Variants in RFT1 observed in about 807,000 individuals in gnomAD.
The protein encoded by RFT1 is RFT1 glycolipid translocator homolog.
A neutral mutation model predicts 62.2 loss-of-function variants in RFT1; 43 were observed. The ratio of observed to expected loss-of-function variants is 0.69; its 90% CI spans 0.54 to 0.89. The LOEUF is 0.89. Ranked by LOEUF, RFT1 falls within the 40% of genes least tolerant of loss-of-function variation. The pLI, the probability that RFT1 is intolerant of heterozygous loss-of-function variation, is 0.00. For missense variants in RFT1, 605 were observed against 649.9 expected, an observed-to-expected ratio of 0.93 and a Z score of 0.75; for synonymous variants, 262 against 264.6, an observed-to-expected ratio of 0.99 and a Z score of 0.10.
the RFT1 span, among the ~76,000 whole-genome samples, chr3:53,074,376 C>T: frequency 6.6e-6 from 1 of 152,208 alleles, no homozygotes; most frequent in African/African-American, 2.4e-5. Flanking sequence ...TCCAGGAGCC[C>T]TCCTGTGGCC....
At chr3:53,096,965 G>A (rs1001897400) in intron 11 of RFT1, among the ~76,000 whole-genome samples, 2 of 151,986 alleles carry the variant, frequency 1.3e-5, no homozygotes, top group African/African-American at 2.4e-5. Flanking sequence ...GGCTGGTCTC[G>A]AACTCCTGAC....
rs1575487868 is a variant in RFT1, at chr3:53,103,972, G to A, written c.1083C>T (p.Thr361=). 1.2e-6 allele frequency: 2 copies of A among 1,614,200 alleles called. No homozygotes were observed. The highest frequency in any genetic ancestry group is 1.7e-6 in the Non-Finnish European group (2 of 1,180,038). Residue 361 remains threonine (T), a synonymous_variant, in exon 10 of 13, where the codon ACC becomes ACT. Coordinates refer to ENST00000296292, the MANE Select transcript of RFT1 (RefSeq NM_052859.4). ...SQLALDIYGG[T]MLSSGSGPVL... ...GCGTACCGGATCCTGAGCTAAGCAT[G>A]GTCCCTCCGTAGATATCCAGAGCCA...
In RFT1 at chr3:53,092,463, C is replaced by G. The variant is rs761993663; in HGVS notation, c.1364G>C (p.Arg455Pro). The G allele has an allele frequency of 2.5e-6, 4 of 1,611,764 alleles. No homozygotes were observed. In the African/African-American group the frequency reaches 4.0e-5, roughly 16 times the overall value. ...AGCCAGGGGCCTGTGGGGGCTCCTT[C>G]GGTAGTAGCGGTGGATGAAGCAAAG... ...QSLCFIHRYYRRSPHRPLAGL... is the reference protein window; with the variant it reads ...QSLCFIHRYYPRSPHRPLAGL... The change falls in exon 12 of 13, where the codon CGA becomes CCA. Residue 455 changes from arginine to proline, a missense_variant. Arg to Pro is a moderately radical substitution (Grantham distance 103). Coordinates refer to ENST00000296292, the MANE Select transcript of RFT1 (RefSeq NM_052859.4).
the RFT1 span, among the ~76,000 whole-genome samples, chr3:53,068,453 C>T: frequency 6.6e-6 from 1 of 152,236 alleles, no homozygotes; most frequent in Non-Finnish European, 1.5e-5. Context: ...CATCAGATGA[C>T]CTGTCCATGG....
the RFT1 span, among the ~76,000 whole-genome samples, chr3:53,080,869 C>A: frequency 1.3e-5 from 2 of 152,204 alleles, no homozygotes; most frequent in African/African-American, 4.8e-5. Context: ...GGAAGCAAAG[C>A]CACAGCTGCC....
chr3:53,099,596 G>A, intron 10 of RFT1, 110 bp from the exon 11 acceptor site: 1 of 807,084 alleles, frequency 1.2e-6, no homozygotes, highest in Non-Finnish European at 2.1e-6. Flanking sequence ...AGGTCTGCTG[G>A]TATCAGCAAT....
At chr3:53,076,441 T>TA in the RFT1 span, among the ~76,000 whole-genome samples, 2 of 151,830 alleles carry the variant, frequency 1.3e-5, no homozygotes, top group Non-Finnish European at 2.9e-5. Flanking sequence ...AAAAAGCAAA[T>TA]AAAAAAGACA....
At chr3:53,106,996 G>A (rs890840973) in intron 7 of RFT1, 127 bp from the exon 8 acceptor site, 73 of 722,166 alleles carry the variant, frequency 1.0e-4, no homozygotes, top group Middle Eastern at 2.4e-4. Context: ...ATCAGTTAAA[G>A]ACATGTCCTT....
In RFT1 at chr3:53,091,698, A is replaced by G; in HGVS notation, c.*205T>C. The G allele has an allele frequency of 3.2e-6, 2 of 622,386 alleles. No individual in the cohort carries two copies. The highest frequency in any genetic ancestry group is 5.8e-6 in the Non-Finnish European group (2 of 347,634). 38.6% of individuals were successfully genotyped at this position (622,386 alleles called of 1,614,324 possible). On this transcript the variant is annotated 3_prime_UTR_variant, in exon 13 of 13. Transcript: ENST00000296292. The stretch of plus-strand genomic sequence containing the variant: ...TATTTTTAAAGGGCTTTTGGTCTTC[A>G]CTTAAAAATGAAACTCCCCCCCCGC...
chr3:53,077,143 A>C, the RFT1 span, among the ~76,000 whole-genome samples: 1 of 152,146 alleles, frequency 6.6e-6, no homozygotes, highest in African/African-American at 2.4e-5. Flanking sequence ...TATTGTTTTG[A>C]TCAAAAGAGA....
intron 1 of RFT1, among the ~76,000 whole-genome samples, chr3:53,128,109 C>A (rs1205105605): frequency 6.6e-6 from 1 of 152,078 alleles, no homozygotes; most frequent in Non-Finnish European, 1.5e-5. Context: ...ACCAGCCTGT[C>A]CAACATGGTG....
the RFT1 span, among the ~76,000 whole-genome samples, chr3:53,079,817 TA>T: frequency 6.6e-6 from 1 of 151,748 alleles, no homozygotes; most frequent in African/African-American, 2.4e-5. Flanking sequence ...CCCAGTGAAG[TA>T]AAAAAAACAA....
chr3:53,094,304 T>C lies in RFT1; in HGVS notation c.1209-1686A>G, dbSNP rs149080439. Among the ~76,000 whole-genome samples the C allele has an allele frequency of 4.5e-3, 688 of 152,090 alleles. 3 individuals are homozygous for C. Among genetic ancestry groups the C allele is most frequent in the Middle Eastern group, 0.027 (8 of 294 alleles). ...GGCTGATTCAGGCCAAGGTGCTGTG[T>C]GCTGTGGAGATACGCTTTATCAAAG... On this transcript the variant is annotated intron_variant, in intron 11 of 12. Coordinates refer to ENST00000296292, the MANE Select transcript of RFT1 (RefSeq NM_052859.4).
rs1429534798 is a variant in RFT1 at position 53,090,859 on chromosome 3, A to G, written c.*1044T>C. The G allele has an allele frequency of 2.0e-5, 3 of 152,262 alleles. No homozygotes were observed. The highest frequency in any genetic ancestry group is 4.4e-5 in the Non-Finnish European group (3 of 68,058). The allele number at this position is 152,262 out of a possible 1,614,324, so 9.4% of individuals were successfully genotyped here. A position where few individuals can be genotyped will look rare whatever the true frequency, so the allele number is the denominator to read the frequency against. The stretch of plus-strand genomic sequence containing the variant: ...TGCAAGGTGCAGAACACCTGGGCTC[A>G]CACTGTAGCCTGGAGTACCAGGCCC... On this transcript the variant is annotated 3_prime_UTR_variant, in exon 13 of 13. Coordinates refer to ENST00000296292, the MANE Select transcript of RFT1 (RefSeq NM_052859.4).
intron 6 of RFT1, 61 bp from the exon 7 acceptor site, chr3:53,111,969 T>C (rs1306095789): frequency 6.0e-6 from 8 of 1,339,778 alleles, no homozygotes; most frequent in African/African-American, 2.9e-5. Flanking sequence ...AAGAATGCAA[T>C]GCTACATGAG....
In RFT1 at chr3:53,122,557, G is replaced by A. The variant is rs750076783; in HGVS notation, c.273C>T (p.Pro91=). 2.5e-6 allele frequency: 4 copies of A among 1,604,836 alleles called. No individual in the cohort carries two copies. Among genetic ancestry groups the A allele is most frequent in the African/African-American group, 1.3e-5 (1 of 74,536 alleles). The stretch of plus-strand genomic sequence containing the variant: ...GGAATAAGGACCAAAACACACCCAG[G>A]GGGACTCTAGAAGAGGAGAAAAAAA... ...QTLNLLWLTV[P]LGVFWSLFLG... is the part of the protein sequence containing the mutation. Residue 91 remains proline, a synonymous_variant, in exon 4 of 13, where the codon CCC becomes CCT. Transcript: ENST00000296292.
At chr3:53,116,898 C>G (rs998169576) in intron 6 of RFT1, among the ~76,000 whole-genome samples, 4 of 152,206 alleles carry the variant, frequency 2.6e-5, no homozygotes, top group Non-Finnish European at 4.4e-5. Context: ...CCACCATGCC[C>G]GGGCTTCTTT....
In RFT1 at chr3:53,104,068, C is replaced by T. The variant is rs1701394479; in HGVS notation, c.987G>A (p.Leu329=). 1 of 1,613,948 alleles carries T rather than the reference C, an allele frequency of 6.2e-7. No homozygotes were observed. The highest frequency in any genetic ancestry group is 1.3e-5 in the African/African-American group (1 of 74,906). ...QEDVAVAAAV[L]ESLLKLALLA... is the part of the protein sequence containing the mutation. ...GCAGGGCCAGCTTGAGCAGGGACTC[C>T]AAGACTGCAGCAGCCACAGCAACGT... Residue 329 remains leucine, a synonymous_variant, in exon 10 of 13, where the codon TTG becomes TTA. Coordinates refer to ENST00000296292, the MANE Select transcript of RFT1 (RefSeq NM_052859.4).
the RFT1 span, among the ~76,000 whole-genome samples, chr3:53,073,206 C>T: frequency 7.6e-4 from 116 of 152,378 alleles, no homozygotes; most frequent in South Asian, 4.8e-3. Flanking sequence ...GCACCGGCCT[C>T]TGCCCAGGCT....
Sources: allele counts gnomAD v4.1 joint callset (sites outside exome capture counted in the v4.1 genomes callset), GRCh38; gene constraint gnomAD v4.1.1; transcripts MANE v1.5; gene names NCBI Gene and HGNC (gene_info 2026-07-23, HGNC 2026-07-21).